Variants in ADGRL4 observed in about 807,000 individuals in gnomAD.
ADGRL4 encodes EGF, latrophilin and seven transmembrane domain containing 1.
In ADGRL4, 90 loss-of-function variants were observed where a neutral mutation model predicts 74.8. The observed-to-expected ratio is 1.20, with a 90% confidence interval of 1.02 to 1.43. ADGRL4 has a LOEUF of 1.43. Ranked by LOEUF, ADGRL4 falls within the 40% of genes most tolerant of loss-of-function variation. The probability of loss-of-function intolerance (pLI) is 0.00; values close to 1 mark genes in which losing one functional copy is unlikely to be tolerated. For missense variants in ADGRL4, 881 were observed against 814.3 expected (o/e 1.08, Z -1.00); for synonymous variants, 311 against 279.2 (o/e 1.11, Z -1.14).
At chr1:78,941,181 GA>G (rs1225999625) in intron 3 of ADGRL4, among the ~76,000 whole-genome samples, 1 of 152,190 alleles carries the variant, frequency 6.6e-6, no homozygotes, top group African/African-American at 2.4e-5. Context: ...GAGAAGTAAT[GA>G]CAAGTGACCT....
chr1:78,973,368 C>G (rs1650209285), intron 2 of ADGRL4, among the ~76,000 whole-genome samples: 1 of 151,536 alleles, frequency 6.6e-6, no homozygotes, highest in African/African-American at 2.4e-5. Context: ...TGTGAATGTT[C>G]TACTTATAAT....
chr1:78,997,696 G>A (rs745706482), intron 2 of ADGRL4, among the ~76,000 whole-genome samples: 9 of 151,918 alleles, frequency 5.9e-5, no homozygotes, highest in Non-Finnish European at 1.0e-4. Context: ...TCATCTAGGT[G>A]TTTATATTGT....
At chr1:78,968,172 G>T (rs1557515696) in intron 2 of ADGRL4, among the ~76,000 whole-genome samples, 1 of 152,056 alleles carries the variant, frequency 6.6e-6, no homozygotes, top group East Asian at 1.9e-4. Flanking sequence ...AATTAAGGTT[G>T]TTATGATGTC....
chr1:78,952,561 A>C, intron 2 of ADGRL4, among the ~76,000 whole-genome samples: 1 of 147,804 alleles, frequency 6.8e-6, no homozygotes, highest in Admixed American at 6.6e-5. Flanking sequence ...AAAGGAAAGA[A>C]AAAAAAAGAA....
Position 78,947,431 on chromosome 1 carries a change from T to C in ADGRL4, c.173-1005A>G, listed in dbSNP as rs968423367. Among the ~76,000 whole-genome samples the C allele has an allele frequency of 3.7e-4, 56 of 152,166 alleles. 1 individual carries two copies. Among genetic ancestry groups the C allele is most frequent in the Admixed American group, 3.3e-3 (50 of 15,272 alleles). On this transcript the variant is annotated intron_variant, in intron 2 of 14. Coordinates refer to ENST00000370742, the MANE Select transcript of ADGRL4 (RefSeq NM_022159.4). ...ACTGCAAACCAAAGAATGACAAGGA[T>C]AGCTGGCAACCACAAAAGCTAGAGG...
At chr1:78,986,851 T>C (rs1650508565) in intron 2 of ADGRL4, among the ~76,000 whole-genome samples, 1 of 151,650 alleles carries the variant, frequency 6.6e-6, no homozygotes, top group Non-Finnish European at 1.5e-5. Context: ...TGATCAAAAA[T>C]AGTAAAAATG....
At chr1:78,908,091 G>A (rs1466835339) in intron 12 of ADGRL4, among the ~76,000 whole-genome samples, 1 of 151,992 alleles carries the variant, frequency 6.6e-6, no homozygotes, top group Non-Finnish European at 1.5e-5. Flanking sequence ...ATATTAAAGG[G>A]GACAGAGGGA....
intron 2 of ADGRL4, among the ~76,000 whole-genome samples, chr1:78,998,437 T>A (rs1197576240): frequency 7.1e-6 from 1 of 141,412 alleles, no homozygotes; most frequent in Non-Finnish European, 1.5e-5. Flanking sequence ...TGGCACGATC[T>A]CGGCTCACTG....
At position 78,905,305 on chromosome 1, in the gene ADGRL4, T is replaced by C. The variant is rs147331302; in HGVS notation, c.1750-12116A>G. Among the ~76,000 whole-genome samples, 701 of 152,152 alleles carry C rather than the reference T, an allele frequency of 4.6e-3. 10 individuals carry two copies. The highest frequency in any genetic ancestry group is 0.016 in the African/African-American group (661 of 41,560). ...AACCTGGCTAACTTCAATAAGTTTATAGAAAGAAAGAAATAACTATATTGC... is the reference window on the plus strand; with the variant it reads ...AACCTGGCTAACTTCAATAAGTTTACAGAAAGAAAGAAATAACTATATTGC... On this transcript the variant is annotated intron_variant, in intron 12 of 14. Transcript: ENST00000370742.
intron 2 of ADGRL4, among the ~76,000 whole-genome samples, chr1:78,987,448 A>G (rs1165661554): frequency 6.6e-6 from 1 of 151,726 alleles, no homozygotes; most frequent in Admixed American, 6.6e-5. Context: ...AGTGTAAATA[A>G]TTTTCATGAA....
In ADGRL4 at chr1:78,901,783, C is replaced by T. The variant is rs148597951; in HGVS notation, c.1750-8594G>A. On this transcript the variant is annotated intron_variant, in intron 12 of 14. Transcript: ENST00000370742. Reference sequence around the variant, plus strand: ...ATAGCTACATGACACTGCTAGGAAGCGTCTCTCTGCTAACACCATGAGCCT... The same window carrying T: ...ATAGCTACATGACACTGCTAGGAAGTGTCTCTCTGCTAACACCATGAGCCT... 3.4e-3 allele frequency among the ~76,000 whole-genome samples: 525 copies of T among 152,212 alleles called. 5 individuals are homozygous for T. The highest frequency in any genetic ancestry group is 0.012 in the African/African-American group (499 of 41,532).
intron 2 of ADGRL4, among the ~76,000 whole-genome samples, chr1:78,952,631 A>G (rs996014099): frequency 6.6e-6 from 1 of 152,166 alleles, no homozygotes; most frequent in African/African-American, 2.4e-5. Flanking sequence ...TATAAAGCCC[A>G]TAGTGTAAAC....
chr1:78,913,127 T>C (rs1648797738), intron 12 of ADGRL4, among the ~76,000 whole-genome samples: 1 of 151,892 alleles, frequency 6.6e-6, no homozygotes, highest in Admixed American at 6.6e-5. Flanking sequence ...TATTAAAAAG[T>C]CAAAAAATTA....
chr1:78,917,945 T>G lies in ADGRL4; in HGVS notation c.1567A>C (p.Ile523Leu). 6.2e-7 allele frequency: 1 copy of G among 1,612,598 alleles called. No homozygotes were observed. The change falls in exon 11 of 15, where the codon ATC becomes CTC. Residue 523 changes from isoleucine to leucine, a missense_variant. Transcript: ENST00000370742. ...TTGTGCAAAAATCCCTTGTTGTAGATGACACCCACAACAATGAGATAGAGA... is the reference window on the plus strand; with the variant it reads ...TTGTGCAAAAATCCCTTGTTGTAGAGGACACCCACAACAATGAGATAGAGA... ...IHLYLIVVGV[I>L]YNKGFLHKNF... is the part of the protein sequence containing the mutation.
intron 3 of ADGRL4, among the ~76,000 whole-genome samples, chr1:78,942,361 T>C (rs1649504677): frequency 6.6e-6 from 1 of 152,116 alleles, no homozygotes. Context: ...GCAGGAGCCT[T>C]GTGACTAAGT....
intron 2 of ADGRL4, among the ~76,000 whole-genome samples, chr1:78,977,084 C>T (rs1650300961): frequency 6.6e-6 from 1 of 151,554 alleles, no homozygotes. Flanking sequence ...GGGTTTATCT[C>T]AAGGGTGTTA....
intron 2 of ADGRL4, among the ~76,000 whole-genome samples, chr1:78,960,152 T>C (rs756124739): frequency 3.9e-5 from 6 of 152,178 alleles, no homozygotes; most frequent in Non-Finnish European, 8.8e-5. Context: ...GAAAAATGCT[T>C]ACATAAAAGC....
At chr1:78,999,466 G>A (rs570685862) in intron 2 of ADGRL4, among the ~76,000 whole-genome samples, 30 of 152,152 alleles carry the variant, frequency 2.0e-4, no homozygotes, top group African/African-American at 6.5e-4. Flanking sequence ...CTAGCTACTC[G>A]GGAGGCTGAG....
Position 78,917,711 on chromosome 1 carries a change from A to T in ADGRL4, c.1683-11T>A. The T allele has an allele frequency of 1.2e-6, 2 of 1,603,128 alleles. No homozygotes were observed. Among genetic ancestry groups the T allele is most frequent in the Non-Finnish European group, 1.7e-6 (2 of 1,174,158 alleles). ...GTGCTAAGCCAACATCTGAAAAGTA[A>T]ATAAAAGATAGAATCTATAAATATG... On this transcript the variant is annotated splice_polypyrimidine_tract_variant and intron_variant, in intron 11 of 14. Transcript: ENST00000370742.
Sources: gnomAD v4.1 joint callset for allele counts (sites outside exome capture counted in the v4.1 genomes callset) on GRCh38, gnomAD v4.1.1 for gene constraint, MANE v1.5 for transcripts, NCBI Gene and HGNC (gene_info 2026-07-23, HGNC 2026-07-21) for gene names.